The following TOGARAM1 variants were observed in gnomAD, a reference collection of about 807,000 sequenced individuals.
TOGARAM1 encodes TOG array regulator of axonemal microtubules 1, also known as TOG array regulator of axonemal microtubules protein 1.
TOGARAM1 carries 100 observed loss-of-function variants against 166.6 expected under a neutral mutation model. That is an observed-to-expected ratio of 0.60 (90% CI 0.51 to 0.71). TOGARAM1 has a LOEUF of 0.71. Ranked by LOEUF, TOGARAM1 falls within the 30% of genes least tolerant of loss-of-function variation. The pLI, the probability that TOGARAM1 is intolerant of heterozygous loss-of-function variation, is 0.00. For missense variants in TOGARAM1, 2,029 were observed against 2,102.7 expected, an observed-to-expected ratio of 0.96 and a Z score of 0.69; for synonymous variants, 758 against 763.8, an observed-to-expected ratio of 0.99 and a Z score of 0.13.
rs1436482344 is a variant in TOGARAM1, at chr14:44,995,743, T to C, written c.2047-3T>C. 34 of 1,546,650 alleles carry C rather than the reference T, an allele frequency of 2.2e-5. No homozygotes were observed. The highest frequency in any genetic ancestry group is 5.5e-5 in the African/African-American group (4 of 72,648). The stretch of plus-strand genomic sequence containing the variant: ...TTGCTAATTTATGATTCTGTTCTTA[T>C]AGTTTTCAACATATGATTTCATCCC... On this transcript the variant is annotated splice_polypyrimidine_tract_variant and splice_region_variant and intron_variant, in intron 1 of 19. Transcript: ENST00000361462.
Position 45,041,473 on chromosome 14 carries a change from G to A in TOGARAM1, c.3813-2213G>A, listed in dbSNP as rs990336315. 2.0e-5 allele frequency among the ~76,000 whole-genome samples: 3 copies of A among 152,152 alleles called. No individual in the cohort carries two copies. In the East Asian group the frequency reaches 5.8e-4, roughly 29 times the overall value. ...TGATAGTTTATCCCAAAGTTTTTAC[G>A]AAGATACCAATTCTACATATGCTTC... On this transcript the variant is annotated intron_variant, in intron 11 of 19. Transcript: ENST00000361462.
chr14:45,048,682 T>C (rs1365302380), intron 14 of TOGARAM1, among the ~76,000 whole-genome samples: 2 of 151,660 alleles, frequency 1.3e-5, no homozygotes, highest in Non-Finnish European at 2.9e-5. Flanking sequence ...CTTGTGGTTA[T>C]AAGACTGAGG....
chr14:45,005,980 A>G (rs1887933623), intron 4 of TOGARAM1, 28 bp from the exon 5 acceptor site: 1 of 1,520,226 alleles, frequency 6.6e-7, no homozygotes, highest in Non-Finnish European at 8.8e-7. Flanking sequence ...TAGAAAAAGA[A>G]AAAGTAAAAT....
chr14:45,006,956 G>C (rs1015381958), intron 5 of TOGARAM1: 4 of 151,982 alleles, frequency 2.6e-5, no homozygotes, highest in African/African-American at 9.7e-5. Flanking sequence ...TATGATAACT[G>C]TACATAATTA....
intron 19 of TOGARAM1, 103 bp from the exon 20 acceptor site, chr14:45,073,193 T>A: frequency 8.7e-7 from 1 of 1,149,268 alleles, no homozygotes; most frequent in South Asian, 1.7e-5. Context: ...TAGGACAAAT[T>A]ACATAAGGAA....
chr14:45,025,283 G>C (rs1880763712), intron 7 of TOGARAM1, among the ~76,000 whole-genome samples: 1 of 151,970 alleles, frequency 6.6e-6, no homozygotes, highest in Admixed American at 6.6e-5. Context: ...GGAAAGGAAG[G>C]GGCCAGGCAT....
chr14:44,992,962 G>A (rs1165711871), intron 1 of TOGARAM1, among the ~76,000 whole-genome samples: 1 of 151,366 alleles, frequency 6.6e-6, no homozygotes, highest in Non-Finnish European at 1.5e-5. Context: ...GATTCAAATA[G>A]AAAGACTAAG....
At chr14:45,021,345 T>C (rs1880490528) in intron 7 of TOGARAM1, among the ~76,000 whole-genome samples, 1 of 152,166 alleles carries the variant, frequency 6.6e-6, no homozygotes, top group African/African-American at 2.4e-5. Context: ...TAAACTCCTA[T>C]ATGATGGGGC....
At chr14:44,985,594 C>T (rs1286444024) in intron 1 of TOGARAM1, among the ~76,000 whole-genome samples, 1 of 152,152 alleles carries the variant, frequency 6.6e-6, no homozygotes, top group Non-Finnish European at 1.5e-5. Flanking sequence ...CTAATACCAC[C>T]GCTGATCTGA....
chr14:45,025,789 C>G lies in TOGARAM1; in HGVS notation c.3245C>G (p.Ser1082Ter). ...TTTTTTGGGGGATTTACAGGGTCATCATCAAATCCACAGCAAATTTCCAGT... is the reference window on the plus strand; with the variant it reads ...TTTTTTGGGGGATTTACAGGGTCATGATCAAATCCACAGCAAATTTCCAGT... ...IAEQSPSAGS[S>*]SNPQQISSFD... The change falls in exon 8 of 20, where the codon TCA becomes TGA. Residue 1082 changes from serine (S) to a stop codon, truncating the protein, a stop_gained. Coordinates refer to ENST00000361462, the MANE Select transcript of TOGARAM1 (RefSeq NM_001308120.2). LOFTEE classifies it high-confidence loss of function. The G allele has an allele frequency of 6.3e-7, 1 of 1,598,006 alleles. No individual in the cohort carries two copies. Among genetic ancestry groups the G allele is most frequent in the Non-Finnish European group, 8.6e-7 (1 of 1,166,410 alleles).
chr14:45,022,343 G>A (rs1427142321), intron 7 of TOGARAM1, among the ~76,000 whole-genome samples: 1 of 150,028 alleles, frequency 6.7e-6, no homozygotes, highest in Non-Finnish European at 1.5e-5. Flanking sequence ...ATTTGGGTAT[G>A]TGGGTAAAAT....
chr14:45,020,033 A>G (rs182652791), intron 7 of TOGARAM1, among the ~76,000 whole-genome samples: 17 of 152,312 alleles, frequency 1.1e-4, no homozygotes, highest in Admixed American at 5.2e-4. Context: ...CTCCATTTGA[A>G]GAGCCATTTG....
At chr14:45,045,730 T>C (rs1405445931) in intron 13 of TOGARAM1, among the ~76,000 whole-genome samples, 2 of 131,992 alleles carry the variant, frequency 1.5e-5, no homozygotes, top group Non-Finnish European at 3.1e-5. Flanking sequence ...TATATACACA[T>C]ATATATACAC....
At chr14:44,982,207 A>T (rs954510807) in intron 1 of TOGARAM1, among the ~76,000 whole-genome samples, 1 of 152,096 alleles carries the variant, frequency 6.6e-6, no homozygotes, top group African/African-American at 2.4e-5. Flanking sequence ...ATTTAATATT[A>T]TATAATATCG....
At chr14:45,056,448 G>A (rs1300020379) in intron 16 of TOGARAM1, among the ~76,000 whole-genome samples, 2 of 152,126 alleles carry the variant, frequency 1.3e-5, no homozygotes, top group Non-Finnish European at 2.9e-5. Flanking sequence ...ACTTGTTCCA[G>A]TTCTTGGAAT....
chr14:45,010,967 G>A (rs1879751288), intron 6 of TOGARAM1, among the ~76,000 whole-genome samples: 1 of 152,110 alleles, frequency 6.6e-6, no homozygotes. Flanking sequence ...TAGGTCCACT[G>A]ACAAATATAT....
intron 11 of TOGARAM1, chr14:45,042,414 C>T (rs1181410432): frequency 2.0e-5 from 3 of 151,864 alleles, no homozygotes; most frequent in African/African-American, 7.3e-5. Flanking sequence ...ATAAAAGGGT[C>T]TATGCATCAA....
At chr14:45,063,244 A>G (rs1261968458) in intron 16 of TOGARAM1, among the ~76,000 whole-genome samples, 1 of 152,034 alleles carries the variant, frequency 6.6e-6, no homozygotes, top group Admixed American at 6.6e-5. Flanking sequence ...TTATCTATTC[A>G]TCAGTTTGGT....
chr14:44,966,900 G>T (rs1381868629), intron 1 of TOGARAM1, among the ~76,000 whole-genome samples: 2 of 152,140 alleles, frequency 1.3e-5, no homozygotes, highest in Non-Finnish European at 2.9e-5. Flanking sequence ...GACTGCAGCA[G>T]TGAGCCATGA....
Sources: allele counts gnomAD v4.1 joint callset (sites outside exome capture counted in the v4.1 genomes callset), GRCh38; gene constraint gnomAD v4.1.1; transcripts MANE v1.5; gene names NCBI Gene and HGNC (gene_info 2026-07-23, HGNC 2026-07-21).